Variants in PRTG observed in about 807,000 individuals in gnomAD.
PRTG encodes the protein immunoglobulin superfamily, DCC subclass, member 5.
Under a neutral mutation model 122.5 loss-of-function variants are expected in PRTG, and 67 were observed. That is an observed-to-expected ratio of 0.55 (90% CI 0.45 to 0.67). The LOEUF (loss-of-function observed/expected upper bound fraction) is 0.67. Among genes scored for constraint, PRTG ranks in the 30% least tolerant of loss-of-function variants. The pLI is 0.00. For missense variants in PRTG, 1,435 were observed against 1,415.4 expected (o/e 1.01, Z -0.22); for synonymous variants, 554 against 501.1 (o/e 1.11, Z -1.41).
rs1364687210 is a variant in PRTG, at chr15:55,615,699, G to C, written c.*4313C>G. On this transcript the variant is annotated 3_prime_UTR_variant, in exon 20 of 20. Coordinates refer to ENST00000389286, the MANE Select transcript of PRTG (RefSeq NM_173814.6). ...TCTGCAAAACACATGTGCAGTCTTA[G>C]TGACTGTTTCAATATAACTGGAGTT... The C allele has an allele frequency of 6.6e-6, 1 of 152,022 alleles. No individual in the cohort carries two copies. Among genetic ancestry groups the C allele is most frequent in the Non-Finnish European group, 1.5e-5 (1 of 67,980 alleles). 9.4% of individuals were successfully genotyped at this position (152,022 alleles called of 1,614,324 possible).
chr15:55,656,710 C>T (rs534940619), intron 11 of PRTG, among the ~76,000 whole-genome samples: 3 of 152,172 alleles, frequency 2.0e-5, no homozygotes, highest in Non-Finnish European at 4.4e-5. Context: ...GGGTTTCACC[C>T]TGTTAGCCAG....
intron 11 of PRTG, among the ~76,000 whole-genome samples, chr15:55,668,025 T>C (rs2059448522): frequency 1.3e-5 from 2 of 152,198 alleles, no homozygotes; most frequent in Admixed American, 6.5e-5. Context: ...GGGAGACAGG[T>C]TGCAGTGAGC....
intron 2 of PRTG, among the ~76,000 whole-genome samples, chr15:55,706,717 G>A (rs1251482021): frequency 6.6e-6 from 1 of 152,042 alleles, no homozygotes. Flanking sequence ...AGTGAGCCAT[G>A]CACATGCCAC....
At chr15:55,687,511 T>C (rs1316383995) in intron 2 of PRTG, among the ~76,000 whole-genome samples, 1 of 152,230 alleles carries the variant, frequency 6.6e-6, no homozygotes, top group African/African-American at 2.4e-5. Flanking sequence ...CCACTGCCTT[T>C]TCTTTGAGCA....
At chr15:55,682,815 G>A (rs1057153790) in intron 3 of PRTG, among the ~76,000 whole-genome samples, 4 of 151,910 alleles carry the variant, frequency 2.6e-5, no homozygotes, top group Non-Finnish European at 5.9e-5. Flanking sequence ...TGCCCGCCTC[G>A]GCCTCCCAAA....
chr15:55,670,799 G>A (rs2059465224), intron 11 of PRTG, among the ~76,000 whole-genome samples: 1 of 152,036 alleles, frequency 6.6e-6, no homozygotes, highest in Non-Finnish European at 1.5e-5. Flanking sequence ...TACTCGGGAG[G>A]CTGAGGCAGG....
intron 2 of PRTG, among the ~76,000 whole-genome samples, chr15:55,736,271 G>A (rs769225731): frequency 1.3e-5 from 2 of 151,968 alleles, no homozygotes; most frequent in Non-Finnish European, 2.9e-5. Flanking sequence ...AACAGTGACC[G>A]TGTAGCAAAG....
chr15:55,632,858 C>A (rs568707198), intron 15 of PRTG, among the ~76,000 whole-genome samples: 1 of 152,166 alleles, frequency 6.6e-6, no homozygotes, highest in African/African-American at 2.4e-5. Flanking sequence ...TTGGTCACTG[C>A]GGTACTGCCA....
intron 15 of PRTG, among the ~76,000 whole-genome samples, chr15:55,636,431 A>G (rs2059258140): frequency 6.6e-6 from 1 of 151,950 alleles, no homozygotes; most frequent in African/African-American, 2.4e-5. Flanking sequence ...CTCATCCATA[A>G]CAAATCTCCC....
At chr15:55,686,734 T>C (rs941442010) in intron 2 of PRTG, among the ~76,000 whole-genome samples, 1 of 152,202 alleles carries the variant, frequency 6.6e-6, no homozygotes, top group African/African-American at 2.4e-5. Context: ...CCACTTACAA[T>C]GATGTTTCAC....
chr15:55,715,418 C>A (rs1330989265), intron 2 of PRTG, among the ~76,000 whole-genome samples: 1 of 152,172 alleles, frequency 6.6e-6, no homozygotes, highest in Admixed American at 6.5e-5. Flanking sequence ...ATTAGGAATA[C>A]TCTTAATGAA....
At chr15:55,738,913 G>A (rs1337038528) in intron 2 of PRTG, among the ~76,000 whole-genome samples, 2 of 139,424 alleles carry the variant, frequency 1.4e-5, no homozygotes, top group East Asian at 2.3e-4. Context: ...GAAGGGAAGG[G>A]GGAGGGAGAA....
intron 11 of PRTG, among the ~76,000 whole-genome samples, chr15:55,654,711 A>G (rs1282465763): frequency 1.3e-5 from 2 of 152,194 alleles, no homozygotes; most frequent in Admixed American, 1.3e-4. Context: ...CTTACAAACA[A>G]TATTTTTATA....
chr15:55,711,074 T>G (rs946575673), intron 2 of PRTG, among the ~76,000 whole-genome samples: 28 of 143,492 alleles, frequency 2.0e-4, no homozygotes, highest in Non-Finnish European at 3.0e-4. Context: ...ACCCAGCTAA[T>G]TTTTGTATTT....
At chr15:55,666,631 CAA>C (rs1341491048) in intron 11 of PRTG, among the ~76,000 whole-genome samples, 1 of 152,156 alleles carries the variant, frequency 6.6e-6, no homozygotes, top group Non-Finnish European at 1.5e-5. Context: ...CATTAGCTTT[CAA>C]ATCTAGTGAT....
intron 2 of PRTG, among the ~76,000 whole-genome samples, chr15:55,720,400 A>C (rs1595675754): frequency 6.6e-6 from 1 of 152,180 alleles, no homozygotes; most frequent in African/African-American, 2.4e-5. Context: ...TAAAAAAAAA[A>C]CTATGGCTGT....
At chr15:55,628,567 T>C (rs2059208400) in intron 16 of PRTG, among the ~76,000 whole-genome samples, 1 of 152,164 alleles carries the variant, frequency 6.6e-6, no homozygotes, top group East Asian at 1.9e-4. Flanking sequence ...TCTGTCTTGG[T>C]GGATGCACAG....
intron 2 of PRTG, among the ~76,000 whole-genome samples, chr15:55,718,263 T>C (rs1315527487): frequency 1.3e-5 from 2 of 152,150 alleles, no homozygotes; most frequent in African/African-American, 2.4e-5. Flanking sequence ...ATCTAAATAA[T>C]TCTTGTTGTA....
chr15:55,664,010 A>G (rs2141777677), intron 11 of PRTG, among the ~76,000 whole-genome samples: 1 of 152,338 alleles, frequency 6.6e-6, no homozygotes, highest in Non-Finnish European at 1.5e-5. Flanking sequence ...CCAATTGTAC[A>G]GATGTACTGC....
Sources: gnomAD v4.1 joint callset for allele counts (sites outside exome capture counted in the v4.1 genomes callset) on GRCh38, gnomAD v4.1.1 for gene constraint, MANE v1.5 for transcripts, NCBI Gene and HGNC (gene_info 2026-07-23, HGNC 2026-07-21) for gene names.